CBLN2: variants seen among roughly 807,000 people sequenced by gnomAD.
The protein encoded by CBLN2 is cerebellin-2.
A neutral mutation model predicts 15.0 loss-of-function variants in CBLN2; 7 were observed. That is an observed-to-expected ratio of 0.47 (90% CI 0.27 to 0.88). The LOEUF (loss-of-function observed/expected upper bound fraction) is 0.88, where lower values mean the gene tolerates loss of function less well. CBLN2 is among the 40% of genes least tolerant of loss of function. The probability of loss-of-function intolerance (pLI) is 0.14; values close to 1 mark genes in which losing one functional copy is unlikely to be tolerated. For synonymous variants in CBLN2, 149 were observed against 135.2 expected (o/e 1.10, Z -0.71); for missense variants, 242 against 304.5 (o/e 0.79, Z 1.53).
intron 1 of CBLN2, among the ~76,000 whole-genome samples, chr18:72,577,576 T>G (rs2069376217): frequency 6.6e-6 from 1 of 152,212 alleles, no homozygotes. Flanking sequence ...CTCCATCCTA[T>G]CTTGTGAAAT....
chr18:72,596,052 C>T (rs964377562), intron 1 of CBLN2, among the ~76,000 whole-genome samples: 1 of 152,028 alleles, frequency 6.6e-6, no homozygotes, highest in Non-Finnish European at 1.5e-5. Flanking sequence ...TAAGTAAGGG[C>T]TTACCCCTGC....
At chr18:72,600,469 G>C (rs190423760) in intron 1 of CBLN2, among the ~76,000 whole-genome samples, 105 of 152,316 alleles carry the variant, frequency 6.9e-4, no homozygotes, top group Non-Finnish European at 1.1e-3. Context: ...GGCTAAATGT[G>C]AGACTAAGTG....
chr18:72,589,080 C>T (rs778087688), intron 1 of CBLN2, among the ~76,000 whole-genome samples: 26 of 152,132 alleles, frequency 1.7e-4, no homozygotes, highest in Admixed American at 1.2e-3. Context: ...CGGTATCATT[C>T]ACTCATCGGT....
chr18:72,627,307 T>C (rs896897358), intron 1 of CBLN2, among the ~76,000 whole-genome samples: 23 of 152,354 alleles, frequency 1.5e-4, no homozygotes, highest in South Asian at 1.2e-3. Flanking sequence ...ACAGAACATA[T>C]GTTATTCGAG....
upstream of CBLN2, among the ~76,000 whole-genome samples, chr18:72,546,418 T>C (rs1254633544): frequency 1.3e-5 from 2 of 151,326 alleles, no homozygotes; most frequent in Non-Finnish European, 2.9e-5. Flanking sequence ...CCGGCCTGGG[T>C]GACAGAGCGA....
rs1042290294 is a variant in CBLN2, at chr18:72,584,913, A to C, written c.16-46141T>G. On this transcript the variant is annotated intron_variant, in intron 1 of 2. Coordinates refer to the CBLN2 transcript ENST00000581073. ...GCTGTGCTCAGCTGATACTACTCCC[A>C]CACCTGCCAAAGGTGAGCCAGGCAC... is the stretch of plus-strand genomic sequence containing the variant. 5.9e-5 allele frequency among the ~76,000 whole-genome samples: 9 copies of C among 152,088 alleles called. 1 individual carries two copies. In the East Asian group the frequency reaches 1.6e-3, roughly 26 times the overall value.
chr18:72,636,207 T>C (rs2069811318), intron 1 of CBLN2, among the ~76,000 whole-genome samples: 1 of 152,222 alleles, frequency 6.6e-6, no homozygotes, highest in Non-Finnish European at 1.5e-5. Context: ...CTGAAAATAT[T>C]CAAATACTAG....
At chr18:72,619,645 T>G (rs1013053751) in intron 1 of CBLN2, among the ~76,000 whole-genome samples, 1 of 152,324 alleles carries the variant, frequency 6.6e-6, no homozygotes, top group South Asian at 2.1e-4. Flanking sequence ...CTATGGTTTG[T>G]ACGATTGTTT....
intron 1 of CBLN2, among the ~76,000 whole-genome samples, chr18:72,574,909 T>A (rs1026779673): frequency 3.3e-5 from 5 of 152,190 alleles, no homozygotes; most frequent in Non-Finnish European, 7.3e-5. Flanking sequence ...TCCAGCTATG[T>A]GAACTGTGGA....
chr18:72,563,354 A>G (rs922072850), intron 1 of CBLN2, among the ~76,000 whole-genome samples: 10 of 152,162 alleles, frequency 6.6e-5, no homozygotes, highest in African/African-American at 2.4e-4. Context: ...GATGAGTGGA[A>G]ATGGTTCTGA....
chr18:72,631,585 A>C (rs149488892), intron 1 of CBLN2, among the ~76,000 whole-genome samples: 1 of 152,266 alleles, frequency 6.6e-6, no homozygotes, highest in African/African-American at 2.4e-5. Flanking sequence ...GTATTTCTAA[A>C]GGAATCAGGG....
chr18:72,619,656 T>C (rs2069686661), intron 1 of CBLN2, among the ~76,000 whole-genome samples: 1 of 152,210 alleles, frequency 6.6e-6, no homozygotes, highest in Admixed American at 6.5e-5. Flanking sequence ...ACGATTGTTT[T>C]TTGCCCTTGA....
intron 1 of CBLN2, among the ~76,000 whole-genome samples, chr18:72,632,469 T>C (rs192819777): frequency 3.9e-5 from 6 of 152,326 alleles, no homozygotes; most frequent in Non-Finnish European, 8.8e-5. Context: ...ATATGCTTTA[T>C]AAATAACTTA....
intron 1 of CBLN2, among the ~76,000 whole-genome samples, chr18:72,581,942 A>G (rs1351217768): frequency 1.3e-5 from 2 of 152,196 alleles, no homozygotes; most frequent in Non-Finnish European, 2.9e-5. Context: ...ATGCAATAAC[A>G]TTCAAAGTTT....
At chr18:72,632,955 A>AT (rs1333876053) in intron 1 of CBLN2, among the ~76,000 whole-genome samples, 1 of 152,216 alleles carries the variant, frequency 6.6e-6, no homozygotes, top group Non-Finnish European at 1.5e-5. Flanking sequence ...AAATTAATGA[A>AT]TAAATGAACA....
intron 1 of CBLN2, among the ~76,000 whole-genome samples, chr18:72,577,761 C>A (rs1195251835): frequency 6.6e-6 from 1 of 152,162 alleles, no homozygotes; most frequent in African/African-American, 2.4e-5. Flanking sequence ...TCATGTTCAT[C>A]TCGTGAGTTG....
rs552837114 is a variant in CBLN2 at position 72,538,461 on chromosome 18, C to T, written c.478-88G>A. The stretch of plus-strand genomic sequence containing the variant: ...TCCTTTGCCAATATCCCCACTCCCA[C>T]CCCCATCCTTCCCTTAGAGTACACA... On this transcript the variant is annotated intron_variant, in intron 4 of 4. Transcript: ENST00000269503. The T allele has an allele frequency of 2.4e-4, 356 of 1,486,384 alleles. 6 individuals are homozygous for T. The South Asian group carries it at 4.0e-3, about 17-fold the overall frequency. 92.1% of individuals were successfully genotyped at this position (1,486,384 alleles called of 1,614,324 possible). A position where few individuals can be genotyped will look rare whatever the true frequency, so the allele number is the denominator to read the frequency against.
At chr18:72,586,258 C>T (rs1372405153) in intron 1 of CBLN2, among the ~76,000 whole-genome samples, 1 of 152,240 alleles carries the variant, frequency 6.6e-6, no homozygotes. Context: ...TGTTTCCTCT[C>T]TCCCTTTTCC....
intron 1 of CBLN2, among the ~76,000 whole-genome samples, chr18:72,635,434 C>T (rs1257479525): frequency 6.6e-6 from 1 of 152,088 alleles, no homozygotes; most frequent in African/African-American, 2.4e-5. Context: ...GTGTTAAGTG[C>T]TATGAAGAAT....
Sources: allele counts gnomAD v4.1 joint callset (sites outside exome capture counted in the v4.1 genomes callset), GRCh38; gene constraint gnomAD v4.1.1; transcripts MANE v1.5; gene names NCBI Gene and HGNC (gene_info 2026-07-23, HGNC 2026-07-21).